DNAAF6: variants seen among roughly 807,000 people sequenced by gnomAD.
The protein encoded by DNAAF6 is dynein axonemal assembly factor 6, also known as PIH1 domain containing 3.
DNAAF6 carries 3 observed loss-of-function variants against 13.7 expected under a neutral mutation model. The observed-to-expected ratio is 0.22, with a 90% confidence interval of 0.10 to 0.56. The LOEUF (loss-of-function observed/expected upper bound fraction) is 0.56. Among genes scored for constraint, DNAAF6 ranks in the 20% least tolerant of loss-of-function variants. The pLI, the probability that DNAAF6 is intolerant of heterozygous loss-of-function variation, is 0.92. For missense variants in DNAAF6, 130 were observed against 151.0 expected (o/e 0.86, Z 0.73); for synonymous variants, 54 against 49.2 (o/e 1.10, Z -0.41).
intron 6 of DNAAF6, among the ~76,000 whole-genome samples, chrX:107,241,697 C>G (rs1602692973): frequency 9.0e-6 from 1 of 111,551 alleles, no homozygotes; most frequent in Non-Finnish European, 1.9e-5. Flanking sequence ...AAAATATTTC[C>G]CTTCTCCTAA....
chrX:107,228,052 C>A (rs990345365), intron 5 of DNAAF6, among the ~76,000 whole-genome samples: 1 of 111,654 alleles, frequency 9.0e-6, no homozygotes, highest in African/African-American at 3.3e-5. Context: ...CTGGACCTGG[C>A]AGAAACTCCC....
chrX:107,229,081 A>T (rs1425376585), intron 5 of DNAAF6, among the ~76,000 whole-genome samples: 3 of 100,891 alleles, frequency 3.0e-5, no homozygotes, highest in Non-Finnish European at 5.9e-5. Flanking sequence ...GGGATTGAAG[A>T]TATGAGGGTG....
Position 107,238,940 on chromosome X carries a change from A to G in DNAAF6, c.448A>G (p.Asn150Asp), listed in dbSNP as rs774783505. 8.3e-7 allele frequency: 1 copy of G among 1,210,414 alleles called. No homozygotes were observed. Among genetic ancestry groups the G allele is most frequent in the Admixed American group, 2.2e-5 (1 of 45,735 alleles). ...SELVAKIKLP[N>D]TNPSDIQIDI... ...CTTTCAGGCTAAAATTAAATTGCCAAATACAAACCCTTCTGATATTCAAAT... is the reference window on the plus strand; with the variant it reads ...CTTTCAGGCTAAAATTAAATTGCCAGATACAAACCCTTCTGATATTCAAAT... The change falls in exon 6 of 7, where the codon AAT becomes GAT. Residue 150 changes from asparagine to aspartate, a missense_variant. Asn to Asp is a conservative substitution (Grantham distance 23). Coordinates refer to ENST00000372453, the MANE Select transcript of DNAAF6 (RefSeq NM_173494.2).
At chrX:107,229,532 C>T (rs1200630692) in intron 5 of DNAAF6, among the ~76,000 whole-genome samples, 1 of 110,497 alleles carries the variant, frequency 9.1e-6, no homozygotes, top group Non-Finnish European at 1.9e-5. Context: ...AGGCATTCCT[C>T]CTCTCTTTCA....
chrX:107,208,524 TAAATC>T (rs1242451683), intron 1 of DNAAF6, among the ~76,000 whole-genome samples: 3 of 107,774 alleles, frequency 2.8e-5, no homozygotes, highest in Admixed American at 1.9e-4. Context: ...GAGGAAATAT[TAAATC>T]AAAAGACGCA....
chrX:107,217,403 C>T (rs1381205393), intron 3 of DNAAF6, among the ~76,000 whole-genome samples: 1 of 111,219 alleles, frequency 9.0e-6, no homozygotes, highest in Non-Finnish European at 1.9e-5. Context: ...GCAGTATGAC[C>T]ATCTCTGATA....
chrX:107,223,857 T>A (rs1928201258), intron 5 of DNAAF6, among the ~76,000 whole-genome samples: 1 of 111,631 alleles, frequency 9.0e-6, no homozygotes, highest in Non-Finnish European at 1.9e-5. Flanking sequence ...TTTCAAGTAA[T>A]CTTGAAGTAA....
At chrX:107,220,077 G>T (rs952749663) in intron 4 of DNAAF6, among the ~76,000 whole-genome samples, 1 of 111,954 alleles carries the variant, frequency 8.9e-6, no homozygotes. Context: ...AAGATTACAG[G>T]CATGAGCCAC....
rs999714131 is a variant in DNAAF6 at position 107,221,642 on chromosome X, C to T, written c.333-1103C>T. Among the ~76,000 whole-genome samples the T allele has an allele frequency of 2.7e-5, 3 of 111,520 alleles. No homozygotes were observed. In the Admixed American group the frequency reaches 2.9e-4, roughly 11 times the overall value. ...CTCAGGATAAGAGCAGGAGCTTGAG[C>T]AAATCCATTAGGAGCAATGAACATA... On this transcript the variant is annotated intron_variant, in intron 4 of 6. Transcript: ENST00000372453.
intron 3 of DNAAF6, among the ~76,000 whole-genome samples, chrX:107,218,527 G>GGAGA (rs377686671): frequency 1.9e-5 from 2 of 107,050 alleles, no homozygotes; most frequent in African/African-American, 6.7e-5. Context: ...ATATGTATAT[G>GGAGA]GAGAGAGAGA....
At chrX:107,211,521 A>G (rs1268447575) in intron 1 of DNAAF6, among the ~76,000 whole-genome samples, 2 of 112,047 alleles carry the variant, frequency 1.8e-5, no homozygotes, top group Admixed American at 9.5e-5. Flanking sequence ...AAGAAGTCTA[A>G]CTCCTAATAT....
At chrX:107,224,981 G>C (rs1306236987) in intron 5 of DNAAF6, among the ~76,000 whole-genome samples, 1 of 108,058 alleles carries the variant, frequency 9.3e-6, no homozygotes, top group African/African-American at 3.3e-5. Context: ...AGCAGGAAGA[G>C]ATCAACTTCA....
intron 6 of DNAAF6, among the ~76,000 whole-genome samples, chrX:107,239,717 T>A (rs1928588233): frequency 1.8e-5 from 2 of 111,995 alleles, no homozygotes; most frequent in Admixed American, 1.9e-4. Context: ...ATATGTAGCT[T>A]AATCTTGGCT....
chrX:107,233,736 G>A (rs1928462462), intron 5 of DNAAF6, among the ~76,000 whole-genome samples: 1 of 110,584 alleles, frequency 9.0e-6, no homozygotes, highest in African/African-American at 3.3e-5. Flanking sequence ...GGGAAGCAGT[G>A]TAATTGGGGA....
intron 4 of DNAAF6, 38 bp from the exon 5 acceptor site, chrX:107,222,707 T>G (rs1384800538): frequency 2.6e-6 from 3 of 1,172,001 alleles, no homozygotes; most frequent in Non-Finnish European, 3.4e-6. Context: ...GAAATTGCTC[T>G]TTCATCTGAG....
chrX:107,239,078 A>G, intron 6 of DNAAF6, 71 bp downstream of exon 6: 1 of 1,096,589 alleles, frequency 9.1e-7, no homozygotes, highest in African/African-American at 1.9e-5. Flanking sequence ...TATTTTTTAA[A>G]ATGTACAGTT....
chrX:107,233,170 C>T (rs954387594), intron 5 of DNAAF6, among the ~76,000 whole-genome samples: 7 of 112,020 alleles, frequency 6.2e-5, no homozygotes, highest in African/African-American at 1.9e-4. Flanking sequence ...AATTAGTAAA[C>T]GATTCCAGCA....
Position 107,220,933 on chromosome X carries a change from TTCTTTCTTTCTTTCTTTCTTTCTTTTTC to T in DNAAF6, c.333-1810_333-1783del, listed in dbSNP as rs1396615805. 1.0e-3 allele frequency among the ~76,000 whole-genome samples: 86 copies of T among 85,333 alleles called. 1 individual carries two copies. Among genetic ancestry groups the T allele is most frequent in the South Asian group, 3.0e-3 (5 of 1,677 alleles). The allele number at this position is 85,333 out of a possible 115,157, so 74.1% of individuals were successfully genotyped here. ...TTTCTTTCTTTCTTTCTTTCTTTCT[TTCTTTCTTTCTTTCTTTCTTTCTTTTTC>T]TTTCTTTCTTTCTTTCTTCCTTTTT... On this transcript the variant is annotated intron_variant, in intron 4 of 6. Transcript: ENST00000372453.
intron 5 of DNAAF6, among the ~76,000 whole-genome samples, chrX:107,229,529 C>CCGAAAT (rs1928336392): frequency 5.4e-5 from 6 of 110,153 alleles, no homozygotes; most frequent in Admixed American, 2.9e-4. Context: ...ACTAGGCATT[C>CCGAAAT]CTCCTCTCTT....
Sources: allele counts gnomAD v4.1 joint callset (sites outside exome capture counted in the v4.1 genomes callset), GRCh38; gene constraint gnomAD v4.1.1; transcripts MANE v1.5; gene names NCBI Gene and HGNC (gene_info 2026-07-23, HGNC 2026-07-21).